CCDC77: variants seen among roughly 807,000 people sequenced by gnomAD.
CCDC77 encodes the protein coiled-coil domain containing 77.
CCDC77 carries 56 observed loss-of-function variants against 66.8 expected under a neutral mutation model. That is an observed-to-expected ratio of 0.84 (90% CI 0.68 to 1.05). The LOEUF is 1.05. Ranked by LOEUF, CCDC77 falls within the 50% of genes least tolerant of loss-of-function variation. CCDC77 has a pLI of 0.00. For missense variants in CCDC77, 570 were observed against 576.8 expected (o/e 0.99, Z 0.12); for synonymous variants, 196 against 195.2 (o/e 1.00, Z -0.03).
intron 1 of CCDC77, among the ~76,000 whole-genome samples, chr12:396,162 C>CG (rs762841545): frequency 6.6e-6 from 1 of 152,174 alleles, no homozygotes; most frequent in Non-Finnish European, 1.5e-5. Context: ...GAGGCCAAGG[C>CG]GGGCAGATCA....
At chr12:403,345 A>G (rs1944931492) in intron 1 of CCDC77, among the ~76,000 whole-genome samples, 1 of 152,236 alleles carries the variant, frequency 6.6e-6, no homozygotes, top group Admixed American at 6.5e-5. Context: ...CCTCGGCCTT[A>G]TATCCGTACA....
chr12:429,678 C>T (rs878959348), intron 6 of CCDC77, among the ~76,000 whole-genome samples: 3 of 152,072 alleles, frequency 2.0e-5, no homozygotes, highest in East Asian at 1.9e-4. Context: ...AGGCTGGTCT[C>T]GAACTCCTGA....
At chr12:437,397 A>G (rs1184744910) in intron 9 of CCDC77, among the ~76,000 whole-genome samples, 1 of 152,218 alleles carries the variant, frequency 6.6e-6, no homozygotes, top group African/African-American at 2.4e-5. Flanking sequence ...CAGGCTGGGA[A>G]AAAGTGCATG....
chr12:423,494 GTT>G (rs56233976), intron 5 of CCDC77, among the ~76,000 whole-genome samples: 3 of 35,418 alleles, frequency 8.5e-5, no homozygotes, highest in African/African-American at 2.4e-4. Context: ...TTTTTGTTTT[GTT>G]TTTTTTTTTT....
intron 9 of CCDC77, 132 bp from the exon 10 acceptor site, chr12:438,203 C>T (rs548191609): frequency 4.7e-6 from 3 of 643,130 alleles, no homozygotes; most frequent in Admixed American, 3.2e-5. Context: ...ATTTTTAAAC[C>T]TGCTAATATT....
intron 7 of CCDC77, among the ~76,000 whole-genome samples, chr12:431,313 G>A (rs1945647687): frequency 6.7e-6 from 1 of 149,778 alleles, no homozygotes; most frequent in African/African-American, 2.5e-5. Context: ...CTGCCTCCCA[G>A]ATTCAAGCGA....
In CCDC77 at chr12:423,489, G is replaced by GT. The variant is rs1179236405; in HGVS notation, c.413+4857dup. Among the ~76,000 whole-genome samples, 278 of 32,644 alleles carry GT rather than the reference G, an allele frequency of 8.5e-3. 17 individuals carry two copies. Among genetic ancestry groups the GT allele is most frequent in the Middle Eastern group, 0.028 (1 of 36 alleles). The allele number at this position is 32,644 out of a possible 152,430, so 21.4% of individuals were successfully genotyped here. A position where few individuals can be genotyped will look rare whatever the true frequency, so the allele number is the denominator to read the frequency against. Reference sequence around the variant, plus strand: ...TTTTGTGTTTTTTGTGTTTTTTTTTGTTTTGTTTTTTTTTTTTTTTTTTTG... The same window carrying GT: ...TTTTGTGTTTTTTGTGTTTTTTTTTGTTTTTGTTTTTTTTTTTTTTTTTTTG... On this transcript the variant is annotated intron_variant, in intron 5 of 12. Transcript: ENST00000239830.
At chr12:393,137 G>A (rs946226050) in intron 1 of CCDC77, among the ~76,000 whole-genome samples, 11 of 152,048 alleles carry the variant, frequency 7.2e-5, no homozygotes, top group Non-Finnish European at 1.6e-4. Flanking sequence ...TATTTTCTTA[G>A]ACACAGGGTG....
At chr12:411,038 G>A (rs1945098486) in intron 3 of CCDC77, among the ~76,000 whole-genome samples, 1 of 151,472 alleles carries the variant, frequency 6.6e-6, no homozygotes. Context: ...TCAGCCCCCT[G>A]AGTAGCTGGG....
At chr12:408,269 A>G (rs1945037690) in intron 2 of CCDC77, among the ~76,000 whole-genome samples, 1 of 152,180 alleles carries the variant, frequency 6.6e-6, no homozygotes, top group Admixed American at 6.5e-5. Context: ...ATAACATGGT[A>G]TGGCATTCCC....
At chr12:392,604 G>A (rs1944770470) in intron 1 of CCDC77, among the ~76,000 whole-genome samples, 1 of 152,068 alleles carries the variant, frequency 6.6e-6, no homozygotes, top group Non-Finnish European at 1.5e-5. Flanking sequence ...ACTTAGCCGG[G>A]CGTAGTGGTG....
intron 5 of CCDC77, among the ~76,000 whole-genome samples, chr12:419,150 G>A (rs1043496952): frequency 2.0e-5 from 3 of 152,224 alleles, no homozygotes; most frequent in Non-Finnish European, 2.9e-5. Flanking sequence ...TTGGGCAGAG[G>A]TAGAATATGA....
rs561917225 is a variant in CCDC77, at chr12:440,369, T to C, written c.1042-248T>C. On this transcript the variant is annotated intron_variant, in intron 10 of 12. Transcript: ENST00000239830. ...TTGGGACAGCTTCTGAGCTCCGTTA[T>C]CTGAGTCTTCCCAGAGCCAAAAATA... Among the ~76,000 whole-genome samples, 8 of 152,342 alleles carry C rather than the reference T, an allele frequency of 5.3e-5. No individual in the cohort carries two copies. In the South Asian group the frequency reaches 1.7e-3, roughly 32 times the overall value.
chr12:400,443 C>G (rs187405032), upstream of CCDC77, among the ~76,000 whole-genome samples: 33 of 152,306 alleles, frequency 2.2e-4, no homozygotes, highest in Admixed American at 1.9e-3. Flanking sequence ...TTTCAACATG[C>G]CTTTTTCACT....
intron 5 of CCDC77, among the ~76,000 whole-genome samples, chr12:419,349 A>G (rs1945351359): frequency 6.6e-6 from 1 of 152,242 alleles, no homozygotes; most frequent in Non-Finnish European, 1.5e-5. Context: ...GTCATTTTTC[A>G]GAGAAAAACT....
Position 441,033 on chromosome 12 carries a change from G to A in CCDC77, c.1320+37G>A, listed in dbSNP as rs764110350. The stretch of plus-strand genomic sequence containing the variant: ...TCCTGAATTGCCACGAGGGAGAGAA[G>A]AGGTGTAAGTGAGGGAACATGGTCA... On this transcript the variant is annotated intron_variant, in intron 12 of 12. Transcript: ENST00000239830. 1.8e-5 allele frequency: 29 copies of A among 1,600,658 alleles called. No homozygotes were observed. In the South Asian group the frequency reaches 3.0e-4, roughly 16 times the overall value.
chr12:404,816 A>G (rs1019811399), intron 1 of CCDC77, among the ~76,000 whole-genome samples: 8 of 147,688 alleles, frequency 5.4e-5, no homozygotes, highest in Admixed American at 2.8e-4. Flanking sequence ...TCCGCCTCCC[A>G]GGTTCAAGCA....
rs1049705205 is a variant in CCDC77, at chr12:415,480, T to C, written c.271-3014T>C. On this transcript the variant is annotated intron_variant, in intron 4 of 12. Coordinates refer to ENST00000239830, the MANE Select transcript of CCDC77 (RefSeq NM_032358.4). ...CATAATTATTAACATAATAATATGT[T>C]GATATTATTAACATAATTATTAACA... Among the ~76,000 whole-genome samples, 91 of 147,446 alleles carry C rather than the reference T, an allele frequency of 6.2e-4. 1 individual carries two copies. Among genetic ancestry groups the C allele is most frequent in the Non-Finnish European group, 1.1e-3 (73 of 67,194 alleles).
chr12:414,914 G>A (rs944632301), intron 4 of CCDC77, among the ~76,000 whole-genome samples: 7 of 152,084 alleles, frequency 4.6e-5, no homozygotes, highest in African/African-American at 1.4e-4. Flanking sequence ...TCCCCAGTTG[G>A]CCTCACACTT....
Sources: gnomAD v4.1 joint callset for allele counts (sites outside exome capture counted in the v4.1 genomes callset) on GRCh38, gnomAD v4.1.1 for gene constraint, MANE v1.5 for transcripts, NCBI Gene and HGNC (gene_info 2026-07-23, HGNC 2026-07-21) for gene names.